Variants in CACNA1A observed in about 807,000 individuals in gnomAD.
CACNA1A encodes calcium voltage-gated channel subunit alpha1 A.
A neutral mutation model predicts 262.4 loss-of-function variants in CACNA1A; 57 were observed. The ratio of observed to expected loss-of-function variants is 0.22; its 90% CI spans 0.18 to 0.27. The LOEUF is 0.27. CACNA1A is among the 10% of genes least tolerant of loss of function. CACNA1A has a pLI of 1.00. For synonymous variants in CACNA1A, 1,431 were observed against 1,419.3 expected, an observed-to-expected ratio of 1.01 and a Z score of -0.18; for missense variants, 2,526 against 3,562.8, an observed-to-expected ratio of 0.71 and a Z score of 7.41.
chr19:13,348,079 C>A (rs2058826642), intron 6 of CACNA1A, among the ~76,000 whole-genome samples: 1 of 151,956 alleles, frequency 6.6e-6, no homozygotes, highest in South Asian at 2.1e-4. Flanking sequence ...CACCACCATG[C>A]CCAGCTAATT....
intron 3 of CACNA1A, among the ~76,000 whole-genome samples, chr19:13,418,907 T>C (rs1444025521): frequency 1.3e-5 from 2 of 152,188 alleles, no homozygotes; most frequent in Non-Finnish European, 2.9e-5. Context: ...ATTTTTTATT[T>C]TTTTGAGATG....
In CACNA1A at chr19:13,308,270, C is replaced by A. The variant is rs745683117; in HGVS notation, c.1782-19G>T. ...CCAGTACCTGCCGACAGAGGCCAGGCGAGGACTCAGGCCAGGCGGGGGAGG... is the reference window on the plus strand; with the variant it reads ...CCAGTACCTGCCGACAGAGGCCAGGAGAGGACTCAGGCCAGGCGGGGGAGG... On this transcript the variant is annotated intron_variant, in intron 13 of 46. Transcript: ENST00000360228. The surrounding 1 kb of genome is among the most constrained non-coding windows in gnomAD (Gnocchi z 4.2). 3 of 1,605,942 alleles carry A rather than the reference C, an allele frequency of 1.9e-6. No individual in the cohort carries two copies.
chr19:13,433,983 C>T (rs971918959), intron 3 of CACNA1A, among the ~76,000 whole-genome samples: 2 of 152,184 alleles, frequency 1.3e-5, no homozygotes, highest in South Asian at 4.1e-4. Context: ...CTCATTTAAA[C>T]CCCAATTCCA....
At chr19:13,347,481 AT>A (rs1470737755) in intron 6 of CACNA1A, among the ~76,000 whole-genome samples, 5 of 152,066 alleles carry the variant, frequency 3.3e-5, no homozygotes, top group Non-Finnish European at 5.9e-5. Context: ...TAAGGCAGTG[AT>A]CCACAAACTA....
intron 19 of CACNA1A, among the ~76,000 whole-genome samples, chr19:13,295,778 A>T (rs2057653824): frequency 6.6e-6 from 1 of 152,102 alleles, no homozygotes; most frequent in Non-Finnish European, 1.5e-5. Context: ...TACAGGTGGG[A>T]GCCACTGCAC....
intron 1 of CACNA1A, among the ~76,000 whole-genome samples, chr19:13,467,610 T>TC (rs1048134178): frequency 4.1e-4 from 62 of 151,090 alleles, no homozygotes; most frequent in Admixed American, 1.3e-3. Context: ...TTCTTTTCTT[T>TC]TTTTTTTTTT....
chr19:13,257,657 AG>A (rs2056607311), intron 27 of CACNA1A, 106 bp from the exon 28 acceptor site: 4 of 560,632 alleles, frequency 7.1e-6, no homozygotes, highest in Middle Eastern at 2.8e-4. Flanking sequence ...ATGGCAGAAC[AG>A]GAACAGAGGG....
At chr19:13,311,733 A>T (rs2058039073) in intron 12 of CACNA1A, among the ~76,000 whole-genome samples, 1 of 152,174 alleles carries the variant, frequency 6.6e-6, no homozygotes. Context: ...GCTACTCGGG[A>T]GGCTGAGGCA....
At chr19:13,332,958 C>T in intron 8 of CACNA1A, 33 bp from the exon 9 acceptor site, 5 of 1,553,664 alleles carry the variant, frequency 3.2e-6, no homozygotes, top group East Asian at 4.5e-5. Context: ...TAAGCTCCTG[C>T]ATTTGGAGGA....
At chr19:13,489,395 C>T (rs989739191) in intron 1 of CACNA1A, among the ~76,000 whole-genome samples, 3 of 151,970 alleles carry the variant, frequency 2.0e-5, no homozygotes, top group Non-Finnish European at 4.4e-5. Flanking sequence ...CTCAAGAGAT[C>T]CTCCTACCTC....
chr19:13,263,711 G>C (rs2056794658), intron 24 of CACNA1A, among the ~76,000 whole-genome samples: 1 of 151,212 alleles, frequency 6.6e-6, no homozygotes, highest in East Asian at 2.0e-4. Flanking sequence ...AGTAGAGATG[G>C]GGCTTCACCA....
chr19:13,403,906 G>A (rs187971728), intron 3 of CACNA1A, among the ~76,000 whole-genome samples: 121 of 152,186 alleles, frequency 8.0e-4, no homozygotes, highest in Admixed American at 1.0e-3. Context: ...GTAATGAGCC[G>A]TGGTCATGCC....
intron 1 of CACNA1A, among the ~76,000 whole-genome samples, chr19:13,461,971 G>GC (rs1352411231): frequency 6.6e-6 from 1 of 152,174 alleles, no homozygotes; most frequent in Admixed American, 6.5e-5. Context: ...ACCTGCAGAG[G>GC]CCCCAGAGAG....
chr19:13,367,230 G>A (rs542856071), intron 4 of CACNA1A, among the ~76,000 whole-genome samples: 1 of 149,370 alleles, frequency 6.7e-6, no homozygotes, highest in African/African-American at 2.5e-5. Context: ...GGGAGGCAGA[G>A]GTTGCAGTGA....
chr19:13,376,102 G>A (rs1568585257), intron 3 of CACNA1A, among the ~76,000 whole-genome samples: 1 of 152,154 alleles, frequency 6.6e-6, no homozygotes, highest in Non-Finnish European at 1.5e-5. Flanking sequence ...AAGGAAAGAA[G>A]GTGTCCCCAT....
chr19:13,418,726 G>C (rs2060267168), intron 3 of CACNA1A, among the ~76,000 whole-genome samples: 1 of 152,096 alleles, frequency 6.6e-6, no homozygotes, highest in Non-Finnish European at 1.5e-5. Flanking sequence ...CTCCAAAACA[G>C]TGAGAGAATA....
intron 6 of CACNA1A, among the ~76,000 whole-genome samples, chr19:13,346,637 TATATATATATATATATATATATATATATA>T (rs1469178002): frequency 0.12 from 656 of 5,312 alleles, 6 homozygotes; most frequent in African/African-American, 0.2. Flanking sequence ...TATATATATA[TATATATATATATATATATATATATATATA>T]TTTTTTTTTT....
At chr19:13,422,157 C>T (rs2060326129) in intron 3 of CACNA1A, among the ~76,000 whole-genome samples, 1 of 151,914 alleles carries the variant, frequency 6.6e-6, no homozygotes, top group Non-Finnish European at 1.5e-5. Context: ...CCCATCTTTA[C>T]TAAAAATAAA....
intron 3 of CACNA1A, among the ~76,000 whole-genome samples, chr19:13,411,793 C>A (rs901263544): frequency 1.3e-5 from 2 of 151,996 alleles, no homozygotes; most frequent in South Asian, 4.2e-4. Flanking sequence ...CTCACTACAG[C>A]CTCAACTTTC....
Sources: gnomAD v4.1 joint callset for allele counts (sites outside exome capture counted in the v4.1 genomes callset) on GRCh38, gnomAD v4.1.1 for gene constraint, Gnocchi (gnomAD v3.1) non-coding constraint, MANE v1.5 for transcripts, NCBI Gene and HGNC (gene_info 2026-07-23, HGNC 2026-07-21) for gene names.